The following SHROOM3 variants were observed in gnomAD, a reference collection of about 807,000 sequenced individuals.
SHROOM3 encodes shroom family member 3, also known as protein Shroom3.
In SHROOM3, 47 loss-of-function variants were observed where a neutral mutation model predicts 138.6. The observed-to-expected ratio is 0.34, with a 90% CI of 0.27 to 0.43. The LOEUF (loss-of-function observed/expected upper bound fraction) is 0.43, where lower values mean the gene tolerates loss of function less well. Ranked by LOEUF, SHROOM3 falls within the 20% of genes least tolerant of loss-of-function variation. The pLI, the probability that SHROOM3 is intolerant of heterozygous loss-of-function variation, is 1.00. For missense variants in SHROOM3, 2,491 were observed against 2,596.5 expected, an observed-to-expected ratio of 0.96 and a Z score of 0.88; for synonymous variants, 1,062 against 1,063.3, an observed-to-expected ratio of 1.00 and a Z score of 0.02.
intron 2 of SHROOM3, among the ~76,000 whole-genome samples, chr4:76,569,374 T>C (rs6816351): frequency 0.039 from 5,940 of 152,228 alleles, 379 homozygotes; most frequent in African/African-American, 0.13. Context: ...AGGGGTCATT[T>C]TGGAGAAACT....
At chr4:76,708,415 T>G (rs1720129080) in intron 2 of SHROOM3, among the ~76,000 whole-genome samples, 1 of 151,590 alleles carries the variant, frequency 6.6e-6, no homozygotes, top group South Asian at 2.1e-4. Context: ...GTCGAAAACT[T>G]TGGTTTACAC....
chr4:76,607,323 CTG>C (rs1424558882), intron 2 of SHROOM3, among the ~76,000 whole-genome samples: 1 of 151,360 alleles, frequency 6.6e-6, no homozygotes, highest in Admixed American at 6.6e-5. Context: ...CTCCCACACT[CTG>C]AGGAATTTAT....
rs1721255047 is a variant in SHROOM3 at position 76,741,502 on chromosome 4, G to C, written c.3329G>C (p.Gly1110Ala). The part of the protein sequence containing the change: ...SAAGCSLQEP[G>A]PLRERAQSAY... ...GCCGGCTGCAGCCTCCAGGAGCCCG[G>C]GCCACTGCGTGAGCGCGCCCAGAGT... Residue 1110 changes from glycine to alanine, a missense_variant, in exon 5 of 11, where the codon GGG becomes GCG. Transcript: ENST00000296043. The surrounding 1 kb of genome is among the most constrained non-coding windows in gnomAD (Gnocchi z 6.2). The C allele has an allele frequency of 6.4e-7, 1 of 1,555,478 alleles. No individual in the cohort carries two copies.
chr4:76,486,459 TG>T (rs1170230546), intron 1 of SHROOM3, among the ~76,000 whole-genome samples: 1 of 152,230 alleles, frequency 6.6e-6, no homozygotes, highest in Admixed American at 6.5e-5. Context: ...TGACAATACC[TG>T]TTGGGAATAA....
At chr4:76,499,253 T>C (rs4624677) in intron 1 of SHROOM3, among the ~76,000 whole-genome samples, 87,392 of 151,560 alleles carry the variant, frequency 0.58, 26,037 homozygotes, top group Non-Finnish European at 0.65. Flanking sequence ...CTGCTGTGGC[T>C]ATTGGGCAAA....
chr4:76,748,937 C>A, intron 5 of SHROOM3, 80 bp from the exon 6 acceptor site: 1 of 1,346,412 alleles, frequency 7.4e-7, no homozygotes, highest in Non-Finnish European at 1.0e-6. Context: ...GGTGTTCCTT[C>A]TCCTTTTTAC....
At chr4:76,602,820 TAGAC>T (rs1258268381) in intron 2 of SHROOM3, among the ~76,000 whole-genome samples, 2 of 152,150 alleles carry the variant, frequency 1.3e-5, no homozygotes, top group African/African-American at 4.8e-5. Flanking sequence ...CGTGCAACCT[TAGAC>T]AGATCACTTT....
Position 76,783,126 on chromosome 4 carries a change from TG to T in SHROOM3, c.*3950del. Reference sequence around the variant, plus strand: ...CATTTGAGAGCCACTACCAATCATCTGTACAGTTCCTACTGTTATGATCACA... The same window carrying T: ...CATTTGAGAGCCACTACCAATCATCTTACAGTTCCTACTGTTATGATCACA... On this transcript the variant is annotated 3_prime_UTR_variant, in exon 11 of 11. Transcript: ENST00000296043. 1 of 152,228 alleles carries T rather than the reference TG, an allele frequency of 6.6e-6. No homozygotes were observed. The highest frequency in any genetic ancestry group is 6.5e-5 in the Admixed American group (1 of 15,272). The allele number at this position is 152,228 out of a possible 1,614,324, so 9.4% of individuals were successfully genotyped here.
chr4:76,762,272 C>CT (rs1357581968), intron 9 of SHROOM3, among the ~76,000 whole-genome samples: 2 of 152,132 alleles, frequency 1.3e-5, no homozygotes, highest in African/African-American at 2.4e-5. Context: ...CATATAATAT[C>CT]TTAACAGAGA....
chr4:76,497,153 A>G (rs1731985735), intron 1 of SHROOM3, among the ~76,000 whole-genome samples: 1 of 152,236 alleles, frequency 6.6e-6, no homozygotes, highest in African/African-American at 2.4e-5. Context: ...TCTGAGCAAA[A>G]TAACTTCTTA....
In SHROOM3 at chr4:76,754,023, C is replaced by G. The variant is rs570792372; in HGVS notation, c.3828-288C>G. 9.9e-5 allele frequency among the ~76,000 whole-genome samples: 15 copies of G among 152,278 alleles called. No homozygotes were observed. The East Asian group carries it at 2.9e-3, about 29-fold the overall frequency. ...TGTCCTCAAAAGCTGCCTTATGTTG[C>G]ATGGTGTGTACAGGATGTGGGGGCG... On this transcript the variant is annotated intron_variant, in intron 6 of 10. Transcript: ENST00000296043.
Position 76,511,010 on chromosome 4 carries a change from G to A in SHROOM3, c.169-44599G>A, listed in dbSNP as rs1056241568. Among the ~76,000 whole-genome samples the A allele has an allele frequency of 4.6e-5, 7 of 151,928 alleles. No homozygotes were observed. The East Asian group carries it at 1.2e-3, about 25-fold the overall frequency. ...AGCCTGGCCAACATGGTGAAACCCC[G>A]CCTGTACTAAAAATACAAAAAATTA... On this transcript the variant is annotated intron_variant, in intron 1 of 10. Transcript: ENST00000296043.
chr4:76,464,255 G>A (rs562907730), intron 1 of SHROOM3, among the ~76,000 whole-genome samples: 1 of 152,222 alleles, frequency 6.6e-6, no homozygotes, highest in Non-Finnish European at 1.5e-5. Context: ...AGTCAAAGGA[G>A]ATTATTTTGG....
chr4:76,631,383 A>T (rs1054299343), intron 2 of SHROOM3, among the ~76,000 whole-genome samples: 2 of 149,094 alleles, frequency 1.3e-5, no homozygotes, highest in Non-Finnish European at 3.0e-5. Context: ...AATTTTTTGT[A>T]TTTTTTTTTA....
intron 1 of SHROOM3, among the ~76,000 whole-genome samples, chr4:76,533,341 A>G (rs548382814): frequency 1.3e-5 from 2 of 152,316 alleles, no homozygotes; most frequent in South Asian, 4.1e-4. Context: ...AGGTGGCAAG[A>G]CTATCTGTAA....
At chr4:76,585,757 T>C (rs749711703) in intron 2 of SHROOM3, among the ~76,000 whole-genome samples, 95 of 152,310 alleles carry the variant, frequency 6.2e-4, no homozygotes, top group Non-Finnish European at 1.1e-3. Flanking sequence ...AATTTCATTG[T>C]TGAGAACAAT....
chr4:76,547,128 T>C (rs752826560), intron 1 of SHROOM3, among the ~76,000 whole-genome samples: 104 of 152,324 alleles, frequency 6.8e-4, no homozygotes, highest in Non-Finnish European at 1.4e-3. Flanking sequence ...TTAGGATCCC[T>C]GAAAGAGAAG....
At chr4:76,631,280 C>T (rs1735313546) in intron 2 of SHROOM3, among the ~76,000 whole-genome samples, 1 of 135,272 alleles carries the variant, frequency 7.4e-6, no homozygotes. Flanking sequence ...GCAATCTTGG[C>T]TCACTGAAAC....
chr4:76,680,102 T>G (rs1719146062), intron 2 of SHROOM3, among the ~76,000 whole-genome samples: 1 of 151,756 alleles, frequency 6.6e-6, no homozygotes, highest in South Asian at 2.1e-4. Flanking sequence ...AGTTTTAAGC[T>G]GGTGAGGTTT....
Sources: gnomAD v4.1 joint callset for allele counts (sites outside exome capture counted in the v4.1 genomes callset) on GRCh38, gnomAD v4.1.1 for gene constraint, Gnocchi (gnomAD v3.1) non-coding constraint, MANE v1.5 for transcripts, NCBI Gene and HGNC (gene_info 2026-07-23, HGNC 2026-07-21) for gene names.